The following SLCO3A1 variants were observed in gnomAD, a reference collection of about 807,000 sequenced individuals.
The protein encoded by SLCO3A1 is PGE1 transporter.
A neutral mutation model predicts 63.1 loss-of-function variants in SLCO3A1; 27 were observed. That is an observed-to-expected ratio of 0.43 (90% CI 0.32 to 0.59). SLCO3A1 has a LOEUF of 0.59. Ranked by LOEUF, SLCO3A1 falls within the 20% of genes least tolerant of loss-of-function variation. The probability of loss-of-function intolerance (pLI) is 0.09; values close to 1 mark genes in which losing one functional copy is unlikely to be tolerated. For missense variants in SLCO3A1, 773 were observed against 945.8 expected (o/e 0.82, Z 2.40); for synonymous variants, 473 against 409.9 (o/e 1.15, Z -1.86).
chr15:92,099,210 A>G (rs1405790213), intron 3 of SLCO3A1, among the ~76,000 whole-genome samples: 1 of 152,232 alleles, frequency 6.6e-6, no homozygotes, highest in Admixed American at 6.5e-5. Flanking sequence ...AAAAAGGTCA[A>G]CAGACTGAGA....
At chr15:92,016,254 T>TTGATTGATTAGA (rs1555424442) in intron 2 of SLCO3A1, among the ~76,000 whole-genome samples, 1,624 of 95,718 alleles carry the variant, frequency 0.017, 49 homozygotes, top group African/African-American at 0.061. Context: ...GATAGATAGA[T>TTGATTGATTAGA]TAGATAGATA....
chr15:92,031,109 C>T (rs898651096), intron 2 of SLCO3A1, among the ~76,000 whole-genome samples: 4 of 152,092 alleles, frequency 2.6e-5, no homozygotes, highest in Non-Finnish European at 4.4e-5. Context: ...GTTCTGCACG[C>T]ATTTCTGGTA....
chr15:92,158,215 C>T (rs750807117), intron 9 of SLCO3A1, among the ~76,000 whole-genome samples: 13 of 152,242 alleles, frequency 8.5e-5, no homozygotes, highest in Non-Finnish European at 1.3e-4. Context: ...AGATCAAACC[C>T]CCTGTGTGTT....
chr15:91,938,487 T>G (rs1366480532), intron 2 of SLCO3A1, among the ~76,000 whole-genome samples: 3 of 151,886 alleles, frequency 2.0e-5, no homozygotes, highest in Non-Finnish European at 4.4e-5. Flanking sequence ...TTTTTGTTTT[T>G]TTTTTTTTTT....
chr15:91,917,190 A>T (rs1344453402), intron 2 of SLCO3A1, among the ~76,000 whole-genome samples: 4 of 152,100 alleles, frequency 2.6e-5, no homozygotes, highest in Non-Finnish European at 4.4e-5. Flanking sequence ...CCAGCCCCGC[A>T]TCTCTATCCC....
intron 2 of SLCO3A1, among the ~76,000 whole-genome samples, chr15:92,093,306 C>T (rs947155227): frequency 6.6e-6 from 1 of 152,150 alleles, no homozygotes; most frequent in Non-Finnish European, 1.5e-5. Context: ...AGGCACATTA[C>T]GTGGCGAGAG....
chr15:92,144,635 G>T (rs746117046), intron 7 of SLCO3A1, among the ~76,000 whole-genome samples: 3 of 152,200 alleles, frequency 2.0e-5, no homozygotes, highest in African/African-American at 4.8e-5. Flanking sequence ...TGCAAAAGGG[G>T]CATACCGCAA....
intron 3 of SLCO3A1, among the ~76,000 whole-genome samples, chr15:92,096,860 G>A (rs1357048084): frequency 6.6e-6 from 1 of 152,196 alleles, no homozygotes; most frequent in Non-Finnish European, 1.5e-5. Flanking sequence ...GAAGGTGATT[G>A]AGTGCTGGTG....
chr15:92,092,170 A>G (rs2047485760), intron 2 of SLCO3A1, among the ~76,000 whole-genome samples: 1 of 152,152 alleles, frequency 6.6e-6, no homozygotes, highest in South Asian at 2.1e-4. Flanking sequence ...GTCCCCAAGC[A>G]TGGGGATAAC....
intron 9 of SLCO3A1, among the ~76,000 whole-genome samples, chr15:92,161,423 AAC>A (rs2048435261): frequency 6.6e-6 from 1 of 152,188 alleles, no homozygotes; most frequent in Non-Finnish European, 1.5e-5. Flanking sequence ...CAGGCAAAGA[AAC>A]ACAGAGAGGA....
chr15:92,060,080 A>G (rs1310999130), intron 2 of SLCO3A1, among the ~76,000 whole-genome samples: 1 of 152,180 alleles, frequency 6.6e-6, no homozygotes, highest in Non-Finnish European at 1.5e-5. Flanking sequence ...ACTACAGCAT[A>G]AAAGATAAAC....
chr15:91,974,395 G>C (rs985520343), intron 2 of SLCO3A1, among the ~76,000 whole-genome samples: 1 of 151,998 alleles, frequency 6.6e-6, no homozygotes, highest in Admixed American at 6.5e-5. Context: ...GTAAATTCCT[G>C]TATTGAGAGT....
In SLCO3A1 at chr15:91,861,491, T is replaced by A. The variant is rs1051503557; in HGVS notation, c.180+7403T>A. ...ACAGCCTCGTTATTTCCCATATGAC[T>A]GGGCATTCCTCTTTAAACACGGAAT... On this transcript the variant is annotated intron_variant, in intron 1 of 9. Transcript: ENST00000318445. Among the ~76,000 whole-genome samples, 12 of 152,234 alleles carry A rather than the reference T, an allele frequency of 7.9e-5. No individual in the cohort carries two copies. In the South Asian group the frequency reaches 1.4e-3, roughly 18 times the overall value.
chr15:91,968,441 T>A lies in SLCO3A1; in HGVS notation c.646+51983T>A, dbSNP rs1206807028. 1.3e-5 allele frequency among the ~76,000 whole-genome samples: 2 copies of A among 152,068 alleles called. No individual in the cohort carries two copies. The highest frequency in any genetic ancestry group is 2.9e-5 in the Non-Finnish European group (2 of 68,032). ...CCCTCTAGAATCCTCCAGCCTGTGCTTATTATGCAGCATGGAGGTGTCCTG... is the reference window on the plus strand; with the variant it reads ...CCCTCTAGAATCCTCCAGCCTGTGCATATTATGCAGCATGGAGGTGTCCTG... On this transcript the variant is annotated intron_variant, in intron 2 of 9. Transcript: ENST00000318445. The surrounding 1 kb of genome is among the most constrained non-coding windows in gnomAD (Gnocchi z 4.2).
chr15:92,113,377 C>G (rs1567126990), intron 4 of SLCO3A1, among the ~76,000 whole-genome samples: 1 of 152,090 alleles, frequency 6.6e-6, no homozygotes, highest in Non-Finnish European at 1.5e-5. Context: ...TTAAAGGAAT[C>G]AATAGAATTG....
chr15:92,155,500 T>C (rs969211583), intron 9 of SLCO3A1, among the ~76,000 whole-genome samples: 9 of 152,108 alleles, frequency 5.9e-5, no homozygotes, highest in Non-Finnish European at 1.3e-4. Context: ...AAATTATACT[T>C]GGCTGAGTAG....
intron 2 of SLCO3A1, among the ~76,000 whole-genome samples, chr15:91,934,478 G>A (rs1222595406): frequency 1.3e-5 from 2 of 152,112 alleles, no homozygotes; most frequent in Non-Finnish European, 2.9e-5. Flanking sequence ...GGGAAAAGCG[G>A]GTGCCCCATA....
intron 2 of SLCO3A1, among the ~76,000 whole-genome samples, chr15:91,960,464 G>A (rs1900403390): frequency 6.6e-6 from 1 of 152,170 alleles, no homozygotes; most frequent in South Asian, 2.1e-4. Flanking sequence ...CACATTTGGT[G>A]TGGACGAGGC....
At chr15:92,074,379 C>T (rs1005884872) in intron 2 of SLCO3A1, among the ~76,000 whole-genome samples, 2 of 152,188 alleles carry the variant, frequency 1.3e-5, no homozygotes, top group Non-Finnish European at 2.9e-5. Context: ...TGTCTCTTCC[C>T]TCTCCTTCAT....
Sources: gnomAD v4.1 joint callset for allele counts (sites outside exome capture counted in the v4.1 genomes callset) on GRCh38, gnomAD v4.1.1 for gene constraint, Gnocchi (gnomAD v3.1) non-coding constraint, MANE v1.5 for transcripts, NCBI Gene and HGNC (gene_info 2026-07-23, HGNC 2026-07-21) for gene names.